Variants in ZDHHC24 observed in about 807,000 individuals in gnomAD.
ZDHHC24 encodes probable palmitoyltransferase ZDHHC24.
In ZDHHC24, 17 loss-of-function variants were observed where a neutral mutation model predicts 23.2. The ratio of observed to expected loss-of-function variants is 0.73; its 90% CI spans 0.50 to 1.10. ZDHHC24 has a LOEUF of 1.10. ZDHHC24 is among the 50% of genes least tolerant of loss of function. The probability of loss-of-function intolerance (pLI) is 0.00; values close to 1 mark genes in which losing one functional copy is unlikely to be tolerated. For synonymous variants in ZDHHC24, 186 were observed against 194.5 expected (o/e 0.96, Z 0.36); for missense variants, 366 against 393.0 (o/e 0.93, Z 0.58).
At chr11:66,535,372 CTTTTTTT>C (rs759509135), downstream of ZDHHC24, among the ~76,000 whole-genome samples, 1 of 134,560 alleles carries the variant, frequency 7.4e-6, no homozygotes, top group Non-Finnish European at 1.6e-5. Flanking sequence ...CCACACAAGG[CTTTTTTT>C]TTTTTTTTAA....
chr11:66,533,891 G>A (rs565463963), downstream of ZDHHC24, among the ~76,000 whole-genome samples: 2 of 152,360 alleles, frequency 1.3e-5, no homozygotes, highest in African/African-American at 2.4e-5. Flanking sequence ...CCAGAAGGCT[G>A]GGCACTGTGG....
At position 66,539,716 on chromosome 11, in the gene ZDHHC24, C is replaced by T. The variant is rs374309747; in HGVS notation, c.668G>A (p.Arg223Gln). 47 of 1,612,684 alleles carry T rather than the reference C, an allele frequency of 2.9e-5. No individual in the cohort carries two copies. The highest frequency in any genetic ancestry group is 3.5e-5 in the Non-Finnish European group (41 of 1,179,850). The change falls in exon 3 of 3, where the codon CGG (arginine) becomes CAG (glutamine). Residue 223 changes from arginine (R) to glutamine (Q), a missense_variant. Physicochemically the swap from Arg to Gln is conservative, Grantham distance 43. Transcript: ENST00000310442. Reference sequence around the variant, plus strand: ...AGCCCACTCCCATGTGGTCTGGCCCCGCAGCAGCAGCATCCCATGGAAGAG... The same window carrying T: ...AGCCCACTCCCATGTGGTCTGGCCCTGCAGCAGCAGCATCCCATGGAAGAG... The part of the protein sequence containing the change: ...GLLFHGMLLL[R>Q]GQTTWEWARG...
intron 4 of ZDHHC24, chr11:66,521,469 G>C: frequency 9.9e-7 from 1 of 1,005,088 alleles, no homozygotes; most frequent in East Asian, 2.4e-5. Context: ...CTTTAAGGCT[G>C]GAATTTGGAA....
At position 66,543,689 on chromosome 11, in the gene ZDHHC24, T is replaced by A. The variant is rs1167867983; in HGVS notation, c.559+15A>T. The A allele has an allele frequency of 6.4e-7, 1 of 1,559,486 alleles. No homozygotes were observed. The highest frequency in any genetic ancestry group is 1.9e-5 in the Admixed American group (1 of 51,888). On this transcript the variant is annotated intron_variant, in intron 2 of 2. Transcript: ENST00000310442. Reference sequence around the variant, plus strand: ...GGGCCCCTGCCTCTGTGCAGAGGCCTCCCAGGCTCCCCACCTGTGAGCAAC... The same window carrying A: ...GGGCCCCTGCCTCTGTGCAGAGGCCACCCAGGCTCCCCACCTGTGAGCAAC...
At chr11:66,540,181 G>A (rs373608294) in intron 2 of ZDHHC24, among the ~76,000 whole-genome samples, 3 of 152,076 alleles carry the variant, frequency 2.0e-5, no homozygotes, top group African/African-American at 7.2e-5. Context: ...ACTTTGGGGG[G>A]GCGAAGCAGA....
intron 2 of ZDHHC24, chr11:66,542,772 G>A (rs781387680): frequency 3.3e-5 from 5 of 153,100 alleles, no homozygotes; most frequent in Non-Finnish European, 4.4e-5. Flanking sequence ...CCGTGACTGA[G>A]GGGAGTGAGT....
chr11:66,543,721 C>G lies in ZDHHC24; in HGVS notation c.542G>C (p.Trp181Ser), dbSNP rs1276331702. 6.3e-6 allele frequency: 10 copies of G among 1,592,000 alleles called. No individual in the cohort carries two copies. In the South Asian group the frequency reaches 1.1e-4, roughly 18 times the overall value. ...LHMAALLLLP[W>S]LMLLTGRVSL... ...CTCCCCACCTGTGAGCAACATGAGC[C>G]AGGGAAGCAGGAGGAGGGCAGCCAT... The change falls in exon 2 of 3, where the codon TGG (tryptophan) becomes TCG (serine). Residue 181 changes from tryptophan to serine, a missense_variant. Coordinates refer to ENST00000310442, the MANE Select transcript of ZDHHC24 (RefSeq NM_207340.3).
intron 2 of ZDHHC24, among the ~76,000 whole-genome samples, chr11:66,540,092 T>A (rs1185640777): frequency 6.6e-6 from 1 of 152,108 alleles, no homozygotes; most frequent in African/African-American, 2.4e-5. Flanking sequence ...CTAGAGGGTG[T>A]CTCTGCCCTT....
intron 2 of ZDHHC24, among the ~76,000 whole-genome samples, chr11:66,540,495 C>T (rs1270177937): frequency 4.0e-5 from 6 of 150,958 alleles, no homozygotes; most frequent in Admixed American, 6.6e-5. Flanking sequence ...TTTGGGAGGC[C>T]GAGGCGGGTG....
chr11:66,539,325 C>T lies in ZDHHC24; in HGVS notation c.*204G>A. 7.8e-7 allele frequency: 1 copy of T among 1,281,516 alleles called. No individual in the cohort carries two copies. The highest frequency in any genetic ancestry group is 2.9e-5 in the South Asian group (1 of 34,312). The allele number at this position is 1,281,516 out of a possible 1,614,324, so 79.4% of individuals were successfully genotyped here. A position where few individuals can be genotyped will look rare whatever the true frequency, so the allele number is the denominator to read the frequency against. ...GCTAGGCGGCCTGAGCAGCCCCTGCCAGACCCTCCTCTGCACTCCTCTGCC... is the reference window on the plus strand; with the variant it reads ...GCTAGGCGGCCTGAGCAGCCCCTGCTAGACCCTCCTCTGCACTCCTCTGCC... On this transcript the variant is annotated 3_prime_UTR_variant, in exon 3 of 3. Coordinates refer to ENST00000310442, the MANE Select transcript of ZDHHC24 (RefSeq NM_207340.3).
At chr11:66,524,017 T>C in intron 4 of ZDHHC24, 1 of 1,318,694 alleles carries the variant, frequency 7.6e-7, no homozygotes, top group Non-Finnish European at 1.1e-6. Flanking sequence ...CAGTGGCTCA[T>C]GCCTGTAATC....
At chr11:66,527,220 AGAG>A (rs1193397297) in intron 3 of ZDHHC24, among the ~76,000 whole-genome samples, 68 of 146,908 alleles carry the variant, frequency 4.6e-4, no homozygotes, top group African/African-American at 1.7e-3. Context: ...AAAAAAAAAA[AGAG>A]AGAGAGAGAA....
In ZDHHC24 at chr11:66,522,259, T is replaced by A. The variant is rs572977305; in HGVS notation, c.*22-793A>T. ...ACAGATGGGAAGAAATAAAAAAAAA[T>A]TTCCCATATTTGTTACTTTCTAGGG... On this transcript the variant is annotated intron_variant, in intron 4 of 4. Coordinates refer to the ZDHHC24 transcript ENST00000526986. 3.1e-3 allele frequency among the ~76,000 whole-genome samples: 464 copies of A among 151,494 alleles called. 2 individuals are homozygous for A. The highest frequency in any genetic ancestry group is 0.01 in the African/African-American group (414 of 41,356).
chr11:66,521,606 A>G, intron 4 of ZDHHC24: 2 of 537,026 alleles, frequency 3.7e-6, no homozygotes, highest in Admixed American at 6.1e-5. Flanking sequence ...TACAGGAGTG[A>G]TCAGAAATGA....
At chr11:66,521,408 G>C (rs748135681) in exon 5 of ZDHHC24, 1 of 1,565,814 alleles carries the variant, frequency 6.4e-7, no homozygotes, top group Non-Finnish European at 8.8e-7. Context: ...GGGGCCGGGA[G>C]GAACATCTCA....
intron 4 of ZDHHC24, among the ~76,000 whole-genome samples, chr11:66,521,957 G>A (rs1019436359): frequency 3.6e-5 from 5 of 139,948 alleles, no homozygotes; most frequent in African/African-American, 8.0e-5. Context: ...ATTGCCTCAC[G>A]CCTGTAATCC....
rs1208277473 is a variant in ZDHHC24 at position 66,536,276 on chromosome 11, T to G, written c.*3253A>C. Reference sequence around the variant, plus strand: ...AATTAAAAACAACAACAACAACGAGTCCAGGCATGGTGGCTCACACCTGTA... The same window carrying G: ...AATTAAAAACAACAACAACAACGAGGCCAGGCATGGTGGCTCACACCTGTA... On this transcript the variant is annotated 3_prime_UTR_variant, in exon 3 of 3. Coordinates refer to ENST00000310442, the MANE Select transcript of ZDHHC24 (RefSeq NM_207340.3). The G allele has an allele frequency of 6.6e-6, 1 of 152,312 alleles. No individual in the cohort carries two copies. Among genetic ancestry groups the G allele is most frequent in the African/African-American group, 2.4e-5 (1 of 41,420 alleles). 9.4% of individuals were successfully genotyped at this position (152,312 alleles called of 1,614,324 possible).
chr11:66,526,855 T>C (rs1385149623), intron 4 of ZDHHC24: 15 of 1,613,976 alleles, frequency 9.3e-6, no homozygotes, highest in African/African-American at 1.3e-5. Context: ...CCACTGCTCC[T>C]ACACAGCAAA....
chr11:66,522,988 G>A (rs754851992), intron 4 of ZDHHC24: 6 of 369,668 alleles, frequency 1.6e-5, no homozygotes, highest in South Asian at 6.1e-5. Flanking sequence ...TGTGCTCCTC[G>A]AATAGAGAGG....
Sources: allele counts gnomAD v4.1 joint callset (sites outside exome capture counted in the v4.1 genomes callset), GRCh38; gene constraint gnomAD v4.1.1; transcripts MANE v1.5; gene names NCBI Gene and HGNC (gene_info 2026-07-23, HGNC 2026-07-21).